KCNE1: variants seen among roughly 807,000 people sequenced by gnomAD.
The protein encoded by KCNE1 is potassium voltage-gated channel subfamily E regulatory subunit 1, also known as potassium voltage-gated channel subfamily E member 1.
In KCNE1, 1 loss-of-function variant was observed where a neutral mutation model predicts 2.9. That is an observed-to-expected ratio of 0.34 (90% CI 0.12 to 1.62). The LOEUF (loss-of-function observed/expected upper bound fraction) is 1.62. Among genes scored for constraint, KCNE1 ranks in the 40% most tolerant of loss-of-function variants. The pLI is 0.36. For missense variants in KCNE1, 45 were observed against 150.5 expected, an observed-to-expected ratio of 0.30 and a Z score of 3.67; for synonymous variants, 23 against 65.4, an observed-to-expected ratio of 0.35 and a Z score of 3.13.
chr21:34,510,849 G>A (rs1188621586), intron 2 of KCNE1: 1 of 152,732 alleles, frequency 6.5e-6, no homozygotes, highest in East Asian at 1.9e-4. Flanking sequence ...ACTAGGCCAT[G>A]CCCTGGCCTG....
intron 2 of KCNE1, among the ~76,000 whole-genome samples, chr21:34,499,047 A>C (rs1982987072): frequency 1.3e-5 from 2 of 151,874 alleles, no homozygotes; most frequent in East Asian, 3.9e-4. Context: ...CTGGGCTCAG[A>C]CTCTCCTTGA....
In KCNE1 at chr21:34,511,211, C is replaced by A. The variant is rs1983825987; in HGVS notation, c.-272G>T. ...AACTTCTCAGAACTTTTTGAGTTAT[C>A]CTTCTGGTCTCTTCCTCCTGAGCAC... On this transcript the variant is annotated 5_prime_UTR_variant, in exon 2 of 4. Coordinates refer to ENST00000399286, the MANE Select transcript of KCNE1 (RefSeq NM_000219.6). The A allele has an allele frequency of 4.1e-6, 4 of 985,648 alleles. No homozygotes were observed. Among genetic ancestry groups the A allele is most frequent in the South Asian group, 9.4e-5 (2 of 21,300 alleles). 61.1% of individuals were successfully genotyped at this position (985,648 alleles called of 1,614,324 possible). A position where few individuals can be genotyped will look rare whatever the true frequency, so the allele number is the denominator to read the frequency against.
intron 2 of KCNE1, among the ~76,000 whole-genome samples, chr21:34,497,747 C>T (rs921315441): frequency 2.0e-5 from 3 of 152,158 alleles, no homozygotes; most frequent in African/African-American, 7.2e-5. Context: ...GGAAGTTTTC[C>T]TCAATTGTTC....
Position 34,511,236 on chromosome 21 carries a change from C to T in KCNE1, c.-297G>A, listed in dbSNP as rs907249860. 6.1e-6 allele frequency: 6 copies of T among 985,570 alleles called. No homozygotes were observed. The highest frequency in any genetic ancestry group is 9.4e-5 in the South Asian group (2 of 21,296). 61.1% of individuals were successfully genotyped at this position (985,570 alleles called of 1,614,324 possible). On this transcript the variant is annotated 5_prime_UTR_variant, in exon 2 of 4. The change creates a new upstream start codon in the 5' untranslated region. Coordinates refer to ENST00000399286, the MANE Select transcript of KCNE1 (RefSeq NM_000219.6). ...CCTTCTGGTCTCTTCCTCCTGAGCACGGTTCTCCTGGTTGAGCTCCAGGCC... is the reference window on the plus strand; with the variant it reads ...CCTTCTGGTCTCTTCCTCCTGAGCATGGTTCTCCTGGTTGAGCTCCAGGCC...
chr21:34,502,696 G>A (rs556521601), intron 2 of KCNE1, among the ~76,000 whole-genome samples: 4 of 152,284 alleles, frequency 2.6e-5, no homozygotes, highest in Non-Finnish European at 5.9e-5. Context: ...TGAGTGCATT[G>A]GAGACTTACT....
chr21:34,497,578 A>G (rs1038088792), intron 2 of KCNE1, among the ~76,000 whole-genome samples: 1 of 152,200 alleles, frequency 6.6e-6, no homozygotes, highest in East Asian at 1.9e-4. Flanking sequence ...TTTCCTTTAT[A>G]GGTTACTTGA....
intron 2 of KCNE1, among the ~76,000 whole-genome samples, chr21:34,500,577 C>A (rs7280165): frequency 0.017 from 2,604 of 152,288 alleles, 69 homozygotes; most frequent in African/African-American, 0.06. Context: ...AGAATTCTTT[C>A]TTCCAGCCCT....
At chr21:34,497,910 T>G (rs779829875) in intron 2 of KCNE1, among the ~76,000 whole-genome samples, 5 of 152,112 alleles carry the variant, frequency 3.3e-5, no homozygotes, top group Non-Finnish European at 7.4e-5. Flanking sequence ...TTTATCTGAT[T>G]GGGTTCATTC....
intron 2 of KCNE1, among the ~76,000 whole-genome samples, chr21:34,503,917 A>C (rs540676265): frequency 3.6e-4 from 55 of 152,294 alleles, no homozygotes; most frequent in African/African-American, 1.2e-3. Flanking sequence ...CACCTTGTGA[A>C]TTTGTAGCAC....
intron 2 of KCNE1, chr21:34,510,677 C>T (rs1983791945): frequency 6.5e-6 from 1 of 152,764 alleles, no homozygotes; most frequent in East Asian, 1.9e-4. Context: ...CTCCTTAGTC[C>T]TCTTGCAGCC....
At chr21:34,505,851 G>A (rs865911710) in intron 2 of KCNE1, among the ~76,000 whole-genome samples, 3 of 152,178 alleles carry the variant, frequency 2.0e-5, no homozygotes, top group Admixed American at 6.5e-5. Context: ...AAGACCTGGC[G>A]TGGGCCATCT....
At chr21:34,510,657 C>T (rs1429349711) in intron 2 of KCNE1, 1 of 152,894 alleles carries the variant, frequency 6.5e-6, no homozygotes, top group Non-Finnish European at 1.5e-5. Flanking sequence ...CTGCCTGCCT[C>T]CTTGAAACTC....
chr21:34,502,561 C>G (rs1399485791), intron 2 of KCNE1, among the ~76,000 whole-genome samples: 1 of 152,210 alleles, frequency 6.6e-6, no homozygotes, highest in Admixed American at 6.5e-5. Flanking sequence ...TAATAATTCC[C>G]TCTTGTGCCT....
rs373302449 is a variant in KCNE1 at position 34,449,165 on chromosome 21, C to A, written c.*80G>T. On this transcript the variant is annotated 3_prime_UTR_variant, in exon 4 of 4. Transcript: ENST00000399286. ...AAAAGAAATCCAGTGGTATCCATCA[C>A]AATAAAGAGTATGAGAGGAATGTGA... 8 of 535,022 alleles carry A rather than the reference C, an allele frequency of 1.5e-5. 1 individual carries two copies. The highest frequency in any genetic ancestry group is 1.0e-4 in the African/African-American group (5 of 48,458). 33.1% of individuals were successfully genotyped at this position (535,022 alleles called of 1,614,324 possible).
chr21:34,504,939 AG>A (rs1302120271), intron 2 of KCNE1, among the ~76,000 whole-genome samples: 1 of 152,138 alleles, frequency 6.6e-6, no homozygotes, highest in Non-Finnish European at 1.5e-5. Flanking sequence ...TGACAGCTAA[AG>A]GGTTTGGAGT....
At chr21:34,501,561 A>G (rs1000017224) in intron 2 of KCNE1, among the ~76,000 whole-genome samples, 26 of 152,208 alleles carry the variant, frequency 1.7e-4, no homozygotes, top group Admixed American at 1.0e-3. Flanking sequence ...TGGTTTTAGG[A>G]CCTAGAAATA....
At chr21:34,506,293 C>T (rs944342948) in intron 2 of KCNE1, among the ~76,000 whole-genome samples, 1 of 152,168 alleles carries the variant, frequency 6.6e-6, no homozygotes, top group African/African-American at 2.4e-5. Flanking sequence ...TCTTGTCACT[C>T]CGTGGTTTCT....
In KCNE1 at chr21:34,496,320, G is replaced by A. The variant is rs551341030; in HGVS notation, c.-162+14781C>T. Among the ~76,000 whole-genome samples the A allele has an allele frequency of 9.9e-5, 15 of 152,154 alleles. No individual in the cohort carries two copies. In the South Asian group the frequency reaches 2.5e-3, roughly 25 times the overall value. On this transcript the variant is annotated intron_variant, in intron 2 of 3. Transcript: ENST00000399286. ...GATCTCCTGACCTCGTGATCCACCC[G>A]CCTTGGCCTCCCAAAGTGCTGGGAT...
Position 34,449,131 on chromosome 21 carries a change from C to T in KCNE1, c.*114G>A, listed in dbSNP as rs757162517. On this transcript the variant is annotated 3_prime_UTR_variant, in exon 4 of 4. Coordinates refer to ENST00000399286, the MANE Select transcript of KCNE1 (RefSeq NM_000219.6). ...TCATTAATCCACCCCTCACCCCTTACAACAGCCAAAAAGAAATCCAGTGGT... is the reference window on the plus strand; with the variant it reads ...TCATTAATCCACCCCTCACCCCTTATAACAGCCAAAAAGAAATCCAGTGGT... 2 of 501,796 alleles carry T rather than the reference C, an allele frequency of 4.0e-6. No homozygotes were observed. Among genetic ancestry groups the T allele is most frequent in the African/African-American group, 4.2e-5 (2 of 48,152 alleles). The allele number at this position is 501,796 out of a possible 1,614,324, so 31.1% of individuals were successfully genotyped here. A position where few individuals can be genotyped will look rare whatever the true frequency, so the allele number is the denominator to read the frequency against.
Sources: allele counts gnomAD v4.1 joint callset (sites outside exome capture counted in the v4.1 genomes callset), GRCh38; gene constraint gnomAD v4.1.1; transcripts MANE v1.5; gene names NCBI Gene and HGNC (gene_info 2026-07-23, HGNC 2026-07-21).